ROBO2: variants seen among roughly 807,000 people sequenced by gnomAD.
ROBO2 encodes roundabout guidance receptor 2.
Under a neutral mutation model 160.8 loss-of-function variants are expected in ROBO2, and 53 were observed. The observed-to-expected ratio is 0.33, with a 90% CI of 0.26 to 0.41. The LOEUF (loss-of-function observed/expected upper bound fraction) is 0.41, where lower values mean the gene tolerates loss of function less well. ROBO2 is among the 10% of genes least tolerant of loss of function. The probability of loss-of-function intolerance (pLI) is 1.00; values close to 1 mark genes in which losing one functional copy is unlikely to be tolerated. For missense variants in ROBO2, 1,577 were observed against 1,722.4 expected, an observed-to-expected ratio of 0.92 and a Z score of 1.49; for synonymous variants, 664 against 611.7, an observed-to-expected ratio of 1.09 and a Z score of -1.26.
intron 2 of ROBO2, among the ~76,000 whole-genome samples, chr3:76,950,446 C>T (rs923443517): frequency 7.2e-5 from 11 of 152,154 alleles, no homozygotes; most frequent in African/African-American, 1.9e-4. Context: ...CATTCTTATT[C>T]TGAAGCCATT....
At chr3:76,967,511 CTTTTTTTTTTTTTT>C (rs59372235) in intron 2 of ROBO2, among the ~76,000 whole-genome samples, 2 of 55,372 alleles carry the variant, frequency 3.6e-5, no homozygotes, top group Admixed American at 4.6e-4. Flanking sequence ...CTGGCCAGCT[CTTTTTTTTTTTTTT>C]TTTTTTTTTT....
At chr3:77,291,309 C>A (rs1177337854) in intron 2 of ROBO2, among the ~76,000 whole-genome samples, 282 of 78,382 alleles carry the variant, frequency 3.6e-3, no homozygotes, top group African/African-American at 7.2e-3. Flanking sequence ...TGACGGTTAA[C>A]CGGGAAGGCT....
chr3:76,726,802 G>A (rs904436289), intron 2 of ROBO2, among the ~76,000 whole-genome samples: 2 of 152,086 alleles, frequency 1.3e-5, no homozygotes, highest in South Asian at 2.1e-4. Flanking sequence ...AAAGAGTGAA[G>A]GAATGAAGGA....
intron 6 of ROBO2, among the ~76,000 whole-genome samples, chr3:77,540,178 T>G (rs1227745907): frequency 6.6e-6 from 1 of 152,166 alleles, no homozygotes; most frequent in Admixed American, 6.5e-5. Flanking sequence ...AGGTTATACT[T>G]ACAGGTAGTA....
intron 2 of ROBO2, among the ~76,000 whole-genome samples, chr3:76,341,024 C>T (rs1030419477): frequency 6.6e-6 from 1 of 152,018 alleles, no homozygotes; most frequent in Non-Finnish European, 1.5e-5. Flanking sequence ...AGATCATTAC[C>T]TGTTCTTCAG....
chr3:77,469,654 C>T (rs925817962), intron 2 of ROBO2, among the ~76,000 whole-genome samples: 8 of 152,142 alleles, frequency 5.3e-5, no homozygotes, highest in African/African-American at 1.7e-4. Flanking sequence ...GATTTCTGAC[C>T]TTCTTGAACT....
chr3:77,032,494 A>G (rs2063383118), intron 2 of ROBO2, among the ~76,000 whole-genome samples: 1 of 152,214 alleles, frequency 6.6e-6, no homozygotes. Flanking sequence ...TTTTTATAAT[A>G]TTAACCATAG....
At chr3:76,731,493 T>C (rs1402834417) in intron 2 of ROBO2, among the ~76,000 whole-genome samples, 1 of 152,178 alleles carries the variant, frequency 6.6e-6, no homozygotes, top group African/African-American at 2.4e-5. Context: ...GTTTTTTTTT[T>C]CAAGTTCTTT....
At chr3:76,070,333 C>A (rs1038028563) in intron 2 of ROBO2, among the ~76,000 whole-genome samples, 1 of 152,074 alleles carries the variant, frequency 6.6e-6, no homozygotes, top group Non-Finnish European at 1.5e-5. Flanking sequence ...TCTGAACTGG[C>A]CCCGCTGGGC....
intron 2 of ROBO2, among the ~76,000 whole-genome samples, chr3:77,131,264 C>G (rs1382440127): frequency 6.6e-6 from 1 of 152,102 alleles, no homozygotes; most frequent in Non-Finnish European, 1.5e-5. Context: ...AATTTTCTTC[C>G]TTAGTATTCA....
At chr3:76,111,515 T>G (rs1259248696) in intron 2 of ROBO2, among the ~76,000 whole-genome samples, 4 of 152,090 alleles carry the variant, frequency 2.6e-5, no homozygotes, top group Non-Finnish European at 2.9e-5. Context: ...TCCTGGAGAC[T>G]CTTGTTTTCA....
chr3:76,780,887 T>C (rs1345740422), intron 2 of ROBO2, among the ~76,000 whole-genome samples: 1 of 150,712 alleles, frequency 6.6e-6, no homozygotes, highest in African/African-American at 2.4e-5. Context: ...AAGAGTGCTT[T>C]GGTTATTCAG....
intron 2 of ROBO2, among the ~76,000 whole-genome samples, chr3:76,573,557 C>T (rs1489477495): frequency 6.6e-6 from 1 of 150,662 alleles, no homozygotes; most frequent in East Asian, 1.9e-4. Context: ...GGATGTTAAC[C>T]AATCTTATAT....
At chr3:77,494,475 G>A (rs1234699898) in intron 5 of ROBO2, among the ~76,000 whole-genome samples, 1 of 152,122 alleles carries the variant, frequency 6.6e-6, no homozygotes, top group Non-Finnish European at 1.5e-5. Flanking sequence ...CTACTCGGGA[G>A]GCTGAGTCTG....
At chr3:77,628,838 T>C (rs1345915756) in intron 23 of ROBO2, among the ~76,000 whole-genome samples, 1 of 152,188 alleles carries the variant, frequency 6.6e-6, no homozygotes, top group Admixed American at 6.5e-5. Flanking sequence ...GATTGGGTCA[T>C]GAGATTTCCT....
At chr3:76,045,484 T>G (rs151105775) in intron 2 of ROBO2, among the ~76,000 whole-genome samples, 5 of 152,136 alleles carry the variant, frequency 3.3e-5, no homozygotes, top group Non-Finnish European at 1.5e-5. Context: ...ACACAAGTTA[T>G]AGAGAAAGAC....
chr3:76,611,405 T>G (rs2088114578), intron 2 of ROBO2, among the ~76,000 whole-genome samples: 1 of 152,182 alleles, frequency 6.6e-6, no homozygotes, highest in Non-Finnish European at 1.5e-5. Flanking sequence ...GTCCTGGACT[T>G]TTCTTTGCCG....
intron 2 of ROBO2, among the ~76,000 whole-genome samples, chr3:77,132,329 T>C (rs1442194893): frequency 6.6e-6 from 1 of 152,128 alleles, no homozygotes; most frequent in African/African-American, 2.4e-5. Flanking sequence ...AGCAATAAAA[T>C]GATCCTACAT....
chr3:76,217,198 A>G (rs1198094338), intron 2 of ROBO2, among the ~76,000 whole-genome samples: 2 of 152,228 alleles, frequency 1.3e-5, no homozygotes, highest in African/African-American at 4.8e-5. Context: ...CTAAATGTCC[A>G]CAAGAGAAAG....
Sources: allele counts gnomAD v4.1 joint callset (sites outside exome capture counted in the v4.1 genomes callset), GRCh38; gene constraint gnomAD v4.1.1; transcripts MANE v1.5; gene names NCBI Gene and HGNC (gene_info 2026-07-23, HGNC 2026-07-21).